The following TMPRSS9 variants were observed in gnomAD, a reference collection of about 807,000 sequenced individuals.
The protein encoded by TMPRSS9 is transmembrane serine protease 9, also known as transmembrane protease serine 9.
TMPRSS9 carries 113 observed loss-of-function variants against 111.4 expected under a neutral mutation model. That is an observed-to-expected ratio of 1.01 (90% confidence interval 0.87 to 1.19). The LOEUF is 1.19. TMPRSS9 is among the 50% of genes most tolerant of loss of function. The pLI is 0.00. For synonymous variants in TMPRSS9, 805 were observed against 659.1 expected (o/e 1.22, Z -3.39); for missense variants, 1,803 against 1,513.1 (o/e 1.19, Z -3.18).
At chr19:2,391,724 T>G (rs9676624) in intron 1 of TMPRSS9, among the ~76,000 whole-genome samples, 76,902 of 145,696 alleles carry the variant, frequency 0.53, 21,379 homozygotes, top group Middle Eastern at 0.7. Flanking sequence ...AGGACCCCCC[T>G]GAAAGGAAAG....
At chr19:2,410,598 T>TG (rs1971075099) in intron 9 of TMPRSS9, among the ~76,000 whole-genome samples, 1 of 152,136 alleles carries the variant, frequency 6.6e-6, no homozygotes, top group African/African-American at 2.4e-5. Flanking sequence ...TTAAAGCAGT[T>TG]GGGATTGAGA....
intron 1 of TMPRSS9, 42 bp from the exon 3 acceptor site, chr19:2,396,497 C>T (rs1191028033): frequency 6.5e-7 from 1 of 1,549,444 alleles, no homozygotes. Context: ...GCCCTGAGCC[C>T]CCAAAGGTGG....
chr19:2,393,087 C>G (rs932832670), intron 1 of TMPRSS9, among the ~76,000 whole-genome samples: 1 of 152,134 alleles, frequency 6.6e-6, no homozygotes, highest in Non-Finnish European at 1.5e-5. Context: ...TAAAATGGGC[C>G]AATCAGGAGG....
chr19:2,393,553 C>G (rs565615259), intron 1 of TMPRSS9, among the ~76,000 whole-genome samples: 18 of 152,104 alleles, frequency 1.2e-4, no homozygotes, highest in Non-Finnish European at 1.6e-4. Context: ...CAAGAACCCA[C>G]GAATTTCGGA....
rs118041636 is a variant in TMPRSS9 at position 2,395,617 on chromosome 19, C to A, written c.143-922C>A. ...ATCTCAGCTACTCCGGAGGCTGAGGCGGCAGGAGAATTGCTTGAACCCGGG... is the reference window on the plus strand; with the variant it reads ...ATCTCAGCTACTCCGGAGGCTGAGGAGGCAGGAGAATTGCTTGAACCCGGG... On this transcript the variant is annotated intron_variant, in intron 1 of 17. Coordinates refer to ENST00000648592, the Ensembl canonical transcript of TMPRSS9. Among the ~76,000 whole-genome samples the A allele has an allele frequency of 2.0e-5, 3 of 150,964 alleles. No homozygotes were observed. The South Asian group carries it at 6.3e-4, about 31-fold the overall frequency.
chr19:2,407,061 A>G (rs1970983981), intron 7 of TMPRSS9, among the ~76,000 whole-genome samples: 1 of 151,484 alleles, frequency 6.6e-6, no homozygotes, highest in African/African-American at 2.4e-5. Context: ...CTGCCTCCCA[A>G]AGTGCTGGGA....
chr19:2,398,856 A>C, exon 3 of TMPRSS9: 1 of 1,520,718 alleles, frequency 6.6e-7, no homozygotes. Context: ...TCGGTACTGA[A>C]TTATAGGTGA....
intron 1 of TMPRSS9, among the ~76,000 whole-genome samples, chr19:2,378,629 A>G (rs1970357202): frequency 6.6e-6 from 1 of 152,172 alleles, no homozygotes; most frequent in South Asian, 2.1e-4. Context: ...GAGGCAGAAG[A>G]ATTGCTTGAA....
At chr19:2,360,486 G>A (rs1390047349) in intron 1 of TMPRSS9, among the ~76,000 whole-genome samples, 126 bp downstream of exon 1, 1 of 152,166 alleles carries the variant, frequency 6.6e-6, no homozygotes, top group Non-Finnish European at 1.5e-5. Context: ...CGTGGCGGGA[G>A]TGTGTAGATG....
exon 13 of TMPRSS9, chr19:2,418,082 C>G (rs1971292593): frequency 1.9e-6 from 3 of 1,612,422 alleles, no homozygotes; most frequent in South Asian, 1.1e-5. Flanking sequence ...CAACTTCTCC[C>G]TCACAGACCG....
At chr19:2,424,213 G>A (rs1971539829) in exon 15 of TMPRSS9, 1 of 1,442,178 alleles carries the variant, frequency 6.9e-7, no homozygotes, top group Non-Finnish European at 9.2e-7. Flanking sequence ...GGGCCGTGCT[G>A]GTGGCAGAGA....
At chr19:2,415,181 G>A (rs139459737) in intron 10 of TMPRSS9, among the ~76,000 whole-genome samples, 2,468 of 152,042 alleles carry the variant, frequency 0.016, 69 homozygotes, top group African/African-American at 0.057. Context: ...CTGACCTCAG[G>A]TGATCTGCCC....
intron 7 of TMPRSS9, among the ~76,000 whole-genome samples, chr19:2,407,558 C>A (rs918943496): frequency 1.4e-5 from 2 of 147,930 alleles, no homozygotes; most frequent in Non-Finnish European, 3.0e-5. Flanking sequence ...AATGTTGATA[C>A]TTCATGCATC....
intron 4 of TMPRSS9, among the ~76,000 whole-genome samples, chr19:2,401,516 G>C (rs772685531): frequency 5.9e-5 from 9 of 152,262 alleles, no homozygotes; most frequent in Non-Finnish European, 1.3e-4. Context: ...CATCCTCGCT[G>C]ATTGAAGGCA....
intron 1 of TMPRSS9, among the ~76,000 whole-genome samples, chr19:2,380,896 C>T (rs185641108): frequency 5.5e-4 from 84 of 152,254 alleles, no homozygotes; most frequent in African/African-American, 1.9e-3. Flanking sequence ...ATGTAGGATC[C>T]GTTCCTTCCA....
chr19:2,395,012 G>A (rs1298843028), intron 1 of TMPRSS9, among the ~76,000 whole-genome samples: 1 of 152,232 alleles, frequency 6.6e-6, no homozygotes, highest in African/African-American at 2.4e-5. Context: ...CTGGCGTGGT[G>A]GCTCACGCCT....
At chr19:2,420,719 A>G (rs1170675541) in intron 13 of TMPRSS9, among the ~76,000 whole-genome samples, 2 of 152,208 alleles carry the variant, frequency 1.3e-5, no homozygotes, top group East Asian at 3.8e-4. Context: ...AGTGGGAAGC[A>G]TAGCAATGCC....
intron 1 of TMPRSS9, among the ~76,000 whole-genome samples, chr19:2,370,571 C>T (rs1388467408): frequency 6.6e-6 from 1 of 152,112 alleles, no homozygotes; most frequent in Non-Finnish European, 1.5e-5. Flanking sequence ...TCAAGTGATC[C>T]TCCCTCCTTG....
chr19:2,424,170 G>A lies in TMPRSS9; in HGVS notation c.2630G>A (p.Ser877Asn), dbSNP rs771561023. The A allele has an allele frequency of 7.5e-6, 11 of 1,465,910 alleles. No individual in the cohort carries two copies. The East Asian group carries it at 3.0e-4, about 40-fold the overall frequency. 90.8% of individuals were successfully genotyped at this position (1,465,910 alleles called of 1,614,324 possible). A position where few individuals can be genotyped will look rare whatever the true frequency, so the allele number is the denominator to read the frequency against. The change falls in exon 15 of 18, where the codon AGC becomes AAC. Residue 877 changes from serine (S) to asparagine (N), a missense_variant. Transcript: ENST00000648592. The stretch of plus-strand genomic sequence containing the variant: ...CGTGGGGAGTGGCCGTGGCAGGTGA[G>A]CCTGTGGCTGCGGCGCCGGGAACAC...
Sources: gnomAD v4.1 joint callset for allele counts (sites outside exome capture counted in the v4.1 genomes callset) on GRCh38, gnomAD v4.1.1 for gene constraint, MANE v1.5 for transcripts, NCBI Gene and HGNC (gene_info 2026-07-23, HGNC 2026-07-21) for gene names.